The following SPON2 variants were observed in gnomAD, a reference collection of about 807,000 sequenced individuals.
The protein encoded by SPON2 is spondin 2.
A neutral mutation model predicts 29.9 loss-of-function variants in SPON2; 32 were observed. The observed-to-expected ratio is 1.07, with a 90% CI of 0.81 to 1.44. SPON2 has a LOEUF of 1.44. Ranked by LOEUF, SPON2 falls within the 40% of genes most tolerant of loss-of-function variation. SPON2 has a pLI of 0.00. For missense variants in SPON2, 541 were observed against 455.5 expected (o/e 1.19, Z -1.71); for synonymous variants, 248 against 209.1 (o/e 1.19, Z -1.61).
intron 1 of SPON2, among the ~76,000 whole-genome samples, chr4:1,204,408 C>T (rs1480169155): frequency 6.6e-6 from 1 of 152,150 alleles, no homozygotes; most frequent in Non-Finnish European, 1.5e-5. Flanking sequence ...GATACAGACC[C>T]GGGAGGGTGG....
chr4:1,192,328 G>A (rs1577907694), intron 1 of SPON2, among the ~76,000 whole-genome samples: 1 of 152,252 alleles, frequency 6.6e-6, no homozygotes, highest in Admixed American at 6.5e-5. Context: ...TGGCAGCCCT[G>A]TGCTGGCTGG....
intron 2 of SPON2, 24 bp downstream of exon 2, chr4:1,171,828 A>G: frequency 1.3e-6 from 2 of 1,554,550 alleles, no homozygotes; most frequent in Non-Finnish European, 1.8e-6. Context: ...GTGGAGCAGG[A>G]GGCGAGGAGG....
rs891222040 is a variant in SPON2 at position 1,186,720 on chromosome 4, G to C, written c.-238-7179C>G. Among the ~76,000 whole-genome samples, 5 of 152,306 alleles carry C rather than the reference G, an allele frequency of 3.3e-5. No homozygotes were observed. In the East Asian group the frequency reaches 9.6e-4, roughly 29 times the overall value. On this transcript the variant is annotated intron_variant, in intron 1 of 3. Transcript: ENST00000502483. ...CAATTTAAAAATGGGCAGAGGACAT[G>C]AATAGACATCTCTCCAAAGATGATC...
chr4:1,170,284 A>AGTAC, intron 5 of SPON2, 118 bp downstream of exon 5: 3 of 906,212 alleles, frequency 3.3e-6, no homozygotes, highest in Non-Finnish European at 5.3e-6. Flanking sequence ...ACCATCTTGC[A>AGTAC]GTACGCACTA....
chr4:1,175,190 G>A (rs776213555), upstream of SPON2, among the ~76,000 whole-genome samples: 1 of 152,242 alleles, frequency 6.6e-6, no homozygotes, highest in Non-Finnish European at 1.5e-5. Flanking sequence ...AGGCTCCATG[G>A]CAAAGCTACT....
upstream of SPON2, among the ~76,000 whole-genome samples, chr4:1,196,117 T>A (rs1728064360): frequency 6.6e-6 from 1 of 152,058 alleles, no homozygotes; most frequent in Non-Finnish European, 1.5e-5. Flanking sequence ...CCTCTGCCTC[T>A]CCCCTGTGAA....
chr4:1,174,092 C>T (rs552840082), upstream of SPON2, among the ~76,000 whole-genome samples: 1 of 152,232 alleles, frequency 6.6e-6, no homozygotes, highest in Non-Finnish European at 1.5e-5. Context: ...CTCAACTAGT[C>T]AGGAGACTGT....
chr4:1,170,119 C>T (rs1220694152), intron 5 of SPON2: 5 of 371,758 alleles, frequency 1.3e-5, no homozygotes, highest in South Asian at 3.0e-5. Flanking sequence ...CCTGTGGGTG[C>T]GTGTCTGACA....
rs56699301 is a variant in SPON2 at position 1,167,660 on chromosome 4, G to C, written c.812-4C>G. 5 of 1,595,694 alleles carry C rather than the reference G, an allele frequency of 3.1e-6. No homozygotes were observed. The South Asian group carries it at 3.4e-5, about 11-fold the overall frequency. ...CAGTCCAGCGGCGTTTCTGGAACTG[G>C]ACCAAGCAAAGGGGAGACCGAGGTG... On this transcript the variant is annotated splice_polypyrimidine_tract_variant and splice_region_variant and intron_variant, in intron 5 of 5. Transcript: ENST00000290902.
At chr4:1,190,302 A>C (rs1226461406) in intron 1 of SPON2, among the ~76,000 whole-genome samples, 3 of 152,040 alleles carry the variant, frequency 2.0e-5, no homozygotes, top group African/African-American at 4.8e-5. Flanking sequence ...AACAAACAAA[A>C]AAAAACAAAC....
In SPON2 at chr4:1,171,245, G is replaced by A. The variant is rs1303535572; in HGVS notation, c.444+18C>T. Reference sequence around the variant, plus strand: ...CCCCGGCCCCCCGGACCCCGCCCCCGGCCGGCCCCGCGCTCACCAGCGAGT... The same window carrying A: ...CCCCGGCCCCCCGGACCCCGCCCCCAGCCGGCCCCGCGCTCACCAGCGAGT... On this transcript the variant is annotated intron_variant, in intron 3 of 5. Coordinates refer to ENST00000290902, the MANE Select transcript of SPON2 (RefSeq NM_012445.4). 3.5e-6 allele frequency: 5 copies of A among 1,430,586 alleles called. No homozygotes were observed. The highest frequency in any genetic ancestry group is 4.5e-6 in the Non-Finnish European group (5 of 1,102,396). 88.6% of individuals were successfully genotyped at this position (1,430,586 alleles called of 1,614,324 possible). A position where few individuals can be genotyped will look rare whatever the true frequency, so the allele number is the denominator to read the frequency against.
chr4:1,192,404 A>C (rs1240134821), intron 1 of SPON2, among the ~76,000 whole-genome samples: 1 of 152,196 alleles, frequency 6.6e-6, no homozygotes, highest in African/African-American at 2.4e-5. Flanking sequence ...TAAATTTCAC[A>C]TTTTCTTTTT....
chr4:1,171,543 G>A, intron 2 of SPON2, 57 bp from the exon 3 acceptor site: 1 of 1,540,368 alleles, frequency 6.5e-7, no homozygotes, highest in Non-Finnish European at 8.9e-7. Context: ...GTCGGGCTTG[G>A]ATTCCAGGGG....
chr4:1,191,085 T>C (rs1410129297), intron 1 of SPON2, among the ~76,000 whole-genome samples: 1 of 150,992 alleles, frequency 6.6e-6, no homozygotes, highest in Non-Finnish European at 1.5e-5. Flanking sequence ...TTTTTTTCTT[T>C]TTTTTTTTTT....
chr4:1,186,964 A>G (rs912425713), intron 1 of SPON2, among the ~76,000 whole-genome samples: 3 of 152,256 alleles, frequency 2.0e-5, no homozygotes, highest in Non-Finnish European at 2.9e-5. Flanking sequence ...GAAAAACACG[A>G]TAAGAGTTCC....
chr4:1,194,411 C>T (rs1423789492), intron 1 of SPON2, among the ~76,000 whole-genome samples: 2 of 152,176 alleles, frequency 1.3e-5, no homozygotes, highest in Admixed American at 6.5e-5. Flanking sequence ...GGGACAGCGA[C>T]GGCCCCAGGC....
chr4:1,205,855 G>A (rs1413828936), intron 1 of SPON2, among the ~76,000 whole-genome samples: 2 of 152,170 alleles, frequency 1.3e-5, no homozygotes, highest in East Asian at 3.9e-4. Flanking sequence ...GCTTGGATGG[G>A]CAGAAAGGTC....
At chr4:1,190,093 T>C (rs1727884995) in intron 1 of SPON2, among the ~76,000 whole-genome samples, 1 of 150,592 alleles carries the variant, frequency 6.6e-6, no homozygotes, top group Non-Finnish European at 1.5e-5. Flanking sequence ...AGGAATGAAA[T>C]AGAAGACATT....
chr4:1,171,648 A>G, intron 2 of SPON2, 162 bp from the exon 3 acceptor site: 1 of 825,022 alleles, frequency 1.2e-6, no homozygotes, highest in Non-Finnish European at 1.9e-6. Context: ...GCCGCGACCC[A>G]CCTGCGCCCT....
Sources: gnomAD v4.1 joint callset for allele counts (sites outside exome capture counted in the v4.1 genomes callset) on GRCh38, gnomAD v4.1.1 for gene constraint, MANE v1.5 for transcripts, NCBI Gene and HGNC (gene_info 2026-07-23, HGNC 2026-07-21) for gene names.